The following PDGFRL variants were observed in gnomAD, a reference collection of about 807,000 sequenced individuals.
PDGFRL encodes the protein platelet derived growth factor receptor like, also known as platelet-derived growth factor receptor-like protein.
A neutral mutation model predicts 37.2 loss-of-function variants in PDGFRL; 46 were observed. The ratio of observed to expected loss-of-function variants is 1.24; its 90% CI spans 0.98 to 1.58. The LOEUF is 1.58. PDGFRL is among the 40% of genes most tolerant of loss of function. PDGFRL has a pLI of 0.00. For missense variants in PDGFRL, 692 were observed against 467.6 expected (o/e 1.48, Z -4.43); for synonymous variants, 251 against 184.3 (o/e 1.36, Z -2.93).
intron 1 of PDGFRL, among the ~76,000 whole-genome samples, chr8:17,586,299 G>A (rs1447163322): frequency 6.6e-6 from 1 of 152,174 alleles, no homozygotes; most frequent in Non-Finnish European, 1.5e-5. Context: ...GGGATCCAGT[G>A]TGTGCCTTGG....
At chr8:17,610,543 C>G (rs1023494108) in intron 2 of PDGFRL, among the ~76,000 whole-genome samples, 1 of 152,176 alleles carries the variant, frequency 6.6e-6, no homozygotes, top group Non-Finnish European at 1.5e-5. Context: ...AAGGGATTCT[C>G]AACCTGTAGT....
Position 17,635,943 on chromosome 8 carries a change from C to G in PDGFRL, c.939+1730C>G, listed in dbSNP as rs184349707. 4.5e-4 allele frequency among the ~76,000 whole-genome samples: 68 copies of G among 152,262 alleles called. 1 individual carries two copies. In the East Asian group the frequency reaches 0.011, roughly 24 times the overall value. ...TCTTTTGAGAATTGTCTATTCATGT[C>G]CTAAGCCCAATTTTTGATGGGATTG... On this transcript the variant is annotated intron_variant, in intron 5 of 5. Transcript: ENST00000251630.
At chr8:17,632,294 C>T (rs1311342518) in intron 4 of PDGFRL, among the ~76,000 whole-genome samples, 2 of 152,130 alleles carry the variant, frequency 1.3e-5, no homozygotes, top group African/African-American at 4.8e-5. Flanking sequence ...TTCTCATTTC[C>T]CCTATGTCCA....
At chr8:17,612,315 T>G (rs1804435915) in intron 2 of PDGFRL, among the ~76,000 whole-genome samples, 1 of 152,182 alleles carries the variant, frequency 6.6e-6, no homozygotes, top group East Asian at 1.9e-4. Flanking sequence ...TTGCTTTTAT[T>G]ATAGCTTTTC....
chr8:17,606,582 C>T (rs1468639110), intron 2 of PDGFRL, among the ~76,000 whole-genome samples: 1 of 152,194 alleles, frequency 6.6e-6, no homozygotes, highest in African/African-American at 2.4e-5. Context: ...GCTGCAGGCC[C>T]TCCGTATTTC....
intron 5 of PDGFRL, among the ~76,000 whole-genome samples, chr8:17,637,272 C>G (rs1448379671): frequency 6.6e-6 from 1 of 152,076 alleles, no homozygotes; most frequent in Non-Finnish European, 1.5e-5. Context: ...GCCAATTTTG[C>G]TGAGGGTTTT....
chr8:17,631,321 G>C (rs1282917418), intron 4 of PDGFRL, among the ~76,000 whole-genome samples: 1 of 152,090 alleles, frequency 6.6e-6, no homozygotes, highest in Admixed American at 6.5e-5. Context: ...GGGGAGAGTG[G>C]TACGTGTGGG....
chr8:17,624,897 G>A (rs930736052), intron 3 of PDGFRL, among the ~76,000 whole-genome samples: 2 of 152,256 alleles, frequency 1.3e-5, no homozygotes, highest in Non-Finnish European at 1.5e-5. Flanking sequence ...CCTGGGTGAC[G>A]GAGTGAGACT....
chr8:17,583,799 C>G (rs543925401), intron 1 of PDGFRL, among the ~76,000 whole-genome samples: 8 of 152,124 alleles, frequency 5.3e-5, no homozygotes, highest in Non-Finnish European at 1.0e-4. Context: ...CTCTCTCTCT[C>G]TCTTGCTTCT....
chr8:17,611,470 C>A (rs1804410385), intron 2 of PDGFRL, among the ~76,000 whole-genome samples: 2 of 152,138 alleles, frequency 1.3e-5, no homozygotes, highest in African/African-American at 2.4e-5. Context: ...TTTACAAAGG[C>A]CACTGGACAT....
intron 3 of PDGFRL, among the ~76,000 whole-genome samples, chr8:17,623,441 T>C (rs1804671095): frequency 6.6e-6 from 1 of 152,224 alleles, no homozygotes; most frequent in African/African-American, 2.4e-5. Flanking sequence ...TAAAAGTCTG[T>C]TATTCAAGTC....
chr8:17,633,584 A>T (rs1804904788), intron 4 of PDGFRL, among the ~76,000 whole-genome samples: 1 of 152,216 alleles, frequency 6.6e-6, no homozygotes, highest in Non-Finnish European at 1.5e-5. Flanking sequence ...TTTCTGAAAC[A>T]TGATGAGGCA....
At chr8:17,587,932 C>T (rs1272972717) in intron 1 of PDGFRL, among the ~76,000 whole-genome samples, 1 of 150,496 alleles carries the variant, frequency 6.6e-6, no homozygotes, top group Non-Finnish European at 1.5e-5. Flanking sequence ...ACCTGGCCTA[C>T]AGTCCCCTAT....
intron 5 of PDGFRL, among the ~76,000 whole-genome samples, chr8:17,641,451 C>G (rs2129865245): frequency 6.6e-6 from 1 of 152,254 alleles, no homozygotes; most frequent in East Asian, 1.9e-4. Flanking sequence ...CTGAGAGAGC[C>G]CATAGGGCTC....
Position 17,628,721 on chromosome 8 carries a change from G to A in PDGFRL, c.740G>A (p.Arg247Lys). 6.2e-7 allele frequency: 1 copy of A among 1,614,172 alleles called. No homozygotes were observed. Among genetic ancestry groups the A allele is most frequent in the Non-Finnish European group, 8.5e-7 (1 of 1,180,000 alleles). Residue 247 changes from arginine (R) to lysine (K), a missense_variant, in exon 4 of 6, where the codon AGG becomes AAG. Transcript: ENST00000251630. The stretch of plus-strand genomic sequence containing the variant: ...GAGCACCAGGGTGTGGTTTACTGCA[G>A]GGCGGAGGCCGGGGGCAGATCTCAG... Reference protein sequence around the residue: ...HSEHQGVVYCRAEAGGRSQIS... With the variant: ...HSEHQGVVYCKAEAGGRSQIS...
At chr8:17,578,126 A>G (rs556158701) in intron 1 of PDGFRL, among the ~76,000 whole-genome samples, 18 of 152,026 alleles carry the variant, frequency 1.2e-4, no homozygotes, top group African/African-American at 7.2e-5. Context: ...TGTTTGCTCT[A>G]TTCACTCCAT....
chr8:17,604,652 G>C (rs547342818), intron 2 of PDGFRL, among the ~76,000 whole-genome samples: 22 of 152,110 alleles, frequency 1.4e-4, no homozygotes, highest in Middle Eastern at 6.8e-3. Flanking sequence ...GAGTTAATGG[G>C]TGCAGCATAC....
chr8:17,627,730 C>T (rs1248836763), intron 3 of PDGFRL, among the ~76,000 whole-genome samples: 1 of 151,814 alleles, frequency 6.6e-6, no homozygotes, highest in Non-Finnish European at 1.5e-5. Flanking sequence ...CCCGCCTCGG[C>T]CTCCCAAAGT....
chr8:17,604,487 A>C (rs1804230670), intron 2 of PDGFRL, among the ~76,000 whole-genome samples: 1 of 152,150 alleles, frequency 6.6e-6, no homozygotes, highest in Non-Finnish European at 1.5e-5. Context: ...TCGTAAGGAC[A>C]AAAAACCAAA....
Sources: gnomAD v4.1 joint callset for allele counts (sites outside exome capture counted in the v4.1 genomes callset) on GRCh38, gnomAD v4.1.1 for gene constraint, MANE v1.5 for transcripts, NCBI Gene and HGNC (gene_info 2026-07-23, HGNC 2026-07-21) for gene names.